The following LOC122539214 variants were observed in gnomAD, a reference collection of about 807,000 sequenced individuals.
chr19:52,650,489 T>A, the LOC122539214 span: 1 of 152,172 alleles, frequency 6.6e-6, no homozygotes, highest in Non-Finnish European at 1.5e-5. Flanking sequence ...ACTCTCGACC[T>A]CAGGTGATCC....
chr19:52,687,616 GTATATATATATATAATGTATATATATATA>G, the LOC122539214 span, among the ~76,000 whole-genome samples: 1 of 15,822 alleles, frequency 6.3e-5, no homozygotes, highest in Non-Finnish European at 1.1e-4. Context: ...TATATAATGT[GTATATATATATATAATGTATATATATATA>G]TATATATATA....
chr19:52,671,329 T>C, the LOC122539214 span, among the ~76,000 whole-genome samples: 8 of 152,356 alleles, frequency 5.3e-5, no homozygotes, highest in Non-Finnish European at 1.0e-4. Flanking sequence ...TTACGATAAA[T>C]GTTGTTGACA....
the LOC122539214 span, among the ~76,000 whole-genome samples, chr19:52,673,315 A>T: frequency 6.6e-6 from 1 of 151,882 alleles, no homozygotes. Flanking sequence ...GACCAGCCTG[A>T]CCAACATGGT....
chr19:52,663,519 C>T, the LOC122539214 span, among the ~76,000 whole-genome samples: 1 of 152,104 alleles, frequency 6.6e-6, no homozygotes, highest in African/African-American at 2.4e-5. Context: ...TCACAGCTCA[C>T]CATTTAATCA....
the LOC122539214 span, among the ~76,000 whole-genome samples, chr19:52,677,294 C>T: frequency 8.9e-5 from 11 of 123,574 alleles, 1 homozygote; most frequent in African/African-American, 2.9e-4. Context: ...TAAAGACAGA[C>T]AAATTGAGAA....
the LOC122539214 span, chr19:52,651,683 CAAAAAA>C: frequency 1.1e-4 from 13 of 117,294 alleles, no homozygotes; most frequent in Non-Finnish European, 1.3e-4. Flanking sequence ...GACTCTGTCT[CAAAAAA>C]AAAAAAAAAA....
the LOC122539214 span, among the ~76,000 whole-genome samples, chr19:52,663,118 G>A: frequency 3.9e-5 from 6 of 151,968 alleles, no homozygotes; most frequent in South Asian, 8.3e-4. Context: ...AGCCAAGATC[G>A]TATCACTGCA....
At chr19:52,668,261 T>C in the LOC122539214 span, among the ~76,000 whole-genome samples, 1 of 152,104 alleles carries the variant, frequency 6.6e-6, no homozygotes, top group Non-Finnish European at 1.5e-5. Context: ...GAGACTGCTG[T>C]TCATACAGCA....
chr19:52,676,345 C>T, the LOC122539214 span, among the ~76,000 whole-genome samples: 1 of 152,190 alleles, frequency 6.6e-6, no homozygotes, highest in Non-Finnish European at 1.5e-5. Context: ...CTCCACCTCC[C>T]AGCCGCCTGC....
the LOC122539214 span, among the ~76,000 whole-genome samples, chr19:52,663,171 A>T: frequency 2.3e-4 from 35 of 149,662 alleles, no homozygotes; most frequent in African/African-American, 8.0e-4. Context: ...TCAAAAAAGG[A>T]AAAAAAAAAT....
the LOC122539214 span, among the ~76,000 whole-genome samples, chr19:52,659,061 C>T: frequency 6.6e-6 from 1 of 152,120 alleles, no homozygotes; most frequent in African/African-American, 2.4e-5. Flanking sequence ...ACGTTTCATT[C>T]ATCCGTCTGG....
At chr19:52,651,398 A>C in the LOC122539214 span, 1 of 152,190 alleles carries the variant, frequency 6.6e-6, no homozygotes, top group Non-Finnish European at 1.5e-5. Context: ...ATTCTTGAGG[A>C]GGTGTTAGAA....
the LOC122539214 span, among the ~76,000 whole-genome samples, chr19:52,673,472 C>G: frequency 1.3e-5 from 2 of 151,742 alleles, no homozygotes; most frequent in African/African-American, 4.8e-5. Flanking sequence ...CACTACACTC[C>G]AGGGTACACA....
chr19:52,669,261 A>G, the LOC122539214 span, among the ~76,000 whole-genome samples: 2 of 152,100 alleles, frequency 1.3e-5, no homozygotes. Flanking sequence ...GGGTCTTTTG[A>G]CTCTCACGTC....
At chr19:52,685,044 C>A in the LOC122539214 span, among the ~76,000 whole-genome samples, 1,558 of 152,278 alleles carry the variant, frequency 0.01, 25 homozygotes, top group African/African-American at 0.035. Context: ...CTGAGTCTAC[C>A]GCTCTGTTTC....
the LOC122539214 span, among the ~76,000 whole-genome samples, chr19:52,680,604 A>ATTTT: frequency 4.4e-5 from 4 of 89,928 alleles, no homozygotes; most frequent in African/African-American, 1.4e-4. Flanking sequence ...TTTCCACAAA[A>ATTTT]TATTTTTTTT....
chr19:52,687,440 C>A, the LOC122539214 span, among the ~76,000 whole-genome samples: 96 of 15,110 alleles, frequency 6.4e-3, 31 homozygotes, highest in South Asian at 0.051. Flanking sequence ...ATTTATATAG[C>A]TATATAAATT....
the LOC122539214 span, among the ~76,000 whole-genome samples, chr19:52,667,773 G>C: frequency 6.6e-6 from 1 of 152,114 alleles, no homozygotes; most frequent in East Asian, 1.9e-4. Flanking sequence ...AGGTTAAAGA[G>C]TCTATAAAAA....
chr19:52,677,503 A>AACACTAAAATAT, the LOC122539214 span, among the ~76,000 whole-genome samples: 8 of 151,274 alleles, frequency 5.3e-5, no homozygotes, highest in African/African-American at 2.0e-4. Flanking sequence ...AAAAAAGAAA[A>AACACTAAAATAT]AGAGATCCAA....
Sources: allele counts gnomAD v4.1 joint callset (sites outside exome capture counted in the v4.1 genomes callset), GRCh38; gene constraint gnomAD v4.1.1; transcripts MANE v1.5.